ALDH1A2: variants seen among roughly 807,000 people sequenced by gnomAD.
ALDH1A2 encodes the protein retinal dehydrogenase 2.
A neutral mutation model predicts 60.3 loss-of-function variants in ALDH1A2; 27 were observed. That is an observed-to-expected ratio of 0.45 (90% CI 0.33 to 0.62). The LOEUF is 0.62. ALDH1A2 is among the 20% of genes least tolerant of loss of function. The probability of loss-of-function intolerance (pLI) is 0.02; values close to 1 mark genes in which losing one functional copy is unlikely to be tolerated. For missense variants in ALDH1A2, 581 were observed against 643.8 expected (o/e 0.90, Z 1.06); for synonymous variants, 289 against 232.4 (o/e 1.24, Z -2.21).
At chr15:57,976,797 G>C (rs1351618850) in intron 7 of ALDH1A2, among the ~76,000 whole-genome samples, 2 of 152,164 alleles carry the variant, frequency 1.3e-5, no homozygotes, top group African/African-American at 4.8e-5. Context: ...CGATTGTTGG[G>C]TCAAATGGTA....
intron 7 of ALDH1A2, among the ~76,000 whole-genome samples, chr15:57,984,578 T>C (rs1894634201): frequency 6.6e-6 from 1 of 152,232 alleles, no homozygotes; most frequent in African/African-American, 2.4e-5. Flanking sequence ...TGTTTATAGA[T>C]TTGCCTATTC....
At chr15:58,007,638 G>T (rs370529120) in intron 4 of ALDH1A2, among the ~76,000 whole-genome samples, 23 of 151,984 alleles carry the variant, frequency 1.5e-4, no homozygotes, top group African/African-American at 4.8e-4. Context: ...GTACATAAAA[G>T]AATATTTTAT....
chr15:58,031,948 G>A (rs1260785125), intron 1 of ALDH1A2, among the ~76,000 whole-genome samples: 3 of 152,168 alleles, frequency 2.0e-5, no homozygotes, highest in Admixed American at 2.0e-4. Flanking sequence ...TCAGCGTGGC[G>A]ATTCCTCAGG....
chr15:58,013,832 A>T, intron 3 of ALDH1A2, 26 bp downstream of exon 3: 2 of 1,614,034 alleles, frequency 1.2e-6, no homozygotes, highest in Non-Finnish European at 1.7e-6. Flanking sequence ...TGGGTTAAAG[A>T]CTTAATGTTT....
intron 1 of ALDH1A2, among the ~76,000 whole-genome samples, chr15:58,048,230 G>C (rs565382069): frequency 1.4e-3 from 208 of 152,190 alleles, no homozygotes; most frequent in Non-Finnish European, 1.8e-3. Flanking sequence ...AATAGAAAGT[G>C]ATTGTGCCAG....
At chr15:58,023,168 C>G (rs1234940284) in intron 1 of ALDH1A2, among the ~76,000 whole-genome samples, 1 of 151,816 alleles carries the variant, frequency 6.6e-6, no homozygotes, top group African/African-American at 2.4e-5. Context: ...AAATAGAAAT[C>G]TGGAACAGAA....
At chr15:58,040,256 A>G (rs1374539218) in intron 1 of ALDH1A2, among the ~76,000 whole-genome samples, 1 of 151,876 alleles carries the variant, frequency 6.6e-6, no homozygotes, top group African/African-American at 2.4e-5. Context: ...CTCTGAATCC[A>G]CAGCTGAAGA....
intron 7 of ALDH1A2, among the ~76,000 whole-genome samples, chr15:57,972,917 G>C (rs1432404465): frequency 2.0e-5 from 3 of 152,152 alleles, no homozygotes; most frequent in African/African-American, 2.4e-5. Context: ...CTAACTAGGA[G>C]AGAGCTGACC....
At chr15:57,974,751 T>C (rs1441818) in intron 7 of ALDH1A2, among the ~76,000 whole-genome samples, 147,862 of 152,314 alleles carry the variant, frequency 0.97, 71,938 homozygotes, top group East Asian at 1. Flanking sequence ...AAGCCTGATC[T>C]ATAAAAGAAA....
At chr15:58,026,311 C>T (rs1173669012) in intron 1 of ALDH1A2, among the ~76,000 whole-genome samples, 1 of 152,138 alleles carries the variant, frequency 6.6e-6, no homozygotes, top group African/African-American at 2.4e-5. Context: ...TGAAAATCTA[C>T]AGAATGAAGG....
chr15:58,025,346 G>A (rs1896051062), intron 1 of ALDH1A2, among the ~76,000 whole-genome samples: 1 of 151,742 alleles, frequency 6.6e-6, no homozygotes, highest in Admixed American at 6.6e-5. Flanking sequence ...ATTGAAAACA[G>A]AGACATTACA....
intron 4 of ALDH1A2, among the ~76,000 whole-genome samples, chr15:57,995,760 G>A (rs1895040472): frequency 6.6e-6 from 1 of 151,960 alleles, no homozygotes; most frequent in Non-Finnish European, 1.5e-5. Flanking sequence ...CCCCAAACTA[G>A]ACATAGAAAT....
chr15:57,996,499 C>T (rs1295844054), intron 4 of ALDH1A2, among the ~76,000 whole-genome samples: 2 of 148,300 alleles, frequency 1.3e-5, no homozygotes, highest in Non-Finnish European at 3.0e-5. Flanking sequence ...TTTTGTTTTT[C>T]CCTCTTTTTT....
intron 1 of ALDH1A2, among the ~76,000 whole-genome samples, chr15:58,016,316 G>GT (rs1566949897): frequency 1.3e-5 from 2 of 151,782 alleles, no homozygotes. Flanking sequence ...GCTAATTTTT[G>GT]TATTTTTAGT....
At chr15:58,047,321 A>C (rs1896661744) in intron 1 of ALDH1A2, among the ~76,000 whole-genome samples, 1 of 152,048 alleles carries the variant, frequency 6.6e-6, no homozygotes, top group African/African-American at 2.4e-5. Context: ...ATTTTACTCA[A>C]CTTGCCATTA....
chr15:58,022,629 C>T (rs955232959), intron 1 of ALDH1A2, among the ~76,000 whole-genome samples: 10 of 152,172 alleles, frequency 6.6e-5, no homozygotes, highest in African/African-American at 2.4e-4. Context: ...CAACCCACCA[C>T]TGCAACCACT....
Position 57,955,365 on chromosome 15 carries a change from C to G in ALDH1A2, c.1485-96G>C, listed in dbSNP as rs4646640. 0.41 allele frequency: 512,278 copies of G among 1,251,364 alleles called. 112,206 individuals are homozygous for G. Among genetic ancestry groups the G allele is most frequent in the Non-Finnish European group, 0.47 (397,835 of 852,196 alleles). 77.5% of individuals were successfully genotyped at this position (1,251,364 alleles called of 1,614,324 possible). On this transcript the variant is annotated intron_variant, in intron 12 of 12. Coordinates refer to ENST00000249750, the MANE Select transcript of ALDH1A2 (RefSeq NM_003888.4). The stretch of plus-strand genomic sequence containing the variant: ...CTGGGGAGGTGCAGTTTATCACCTG[C>G]GAACAGCAAGTCCTGGGATGTTCAT...
At chr15:57,995,436 A>T (rs1038705705) in intron 4 of ALDH1A2, among the ~76,000 whole-genome samples, 1 of 152,026 alleles carries the variant, frequency 6.6e-6, no homozygotes, top group African/African-American at 2.4e-5. Flanking sequence ...ACAGCTGAAA[A>T]ATATGTAAAA....
chr15:57,995,232 A>AAAAAAAAAAAAAAAAAAAG, intron 4 of ALDH1A2, 93 bp from the exon 5 acceptor site: 1 of 747,210 alleles, frequency 1.3e-6, no homozygotes, highest in Admixed American at 2.4e-5. Context: ...AAAAAAAAAA[A>AAAAAAAAAAAAAAAAAAAG]AAAACAAACA....
Sources: gnomAD v4.1 joint callset for allele counts (sites outside exome capture counted in the v4.1 genomes callset) on GRCh38, gnomAD v4.1.1 for gene constraint, MANE v1.5 for transcripts, NCBI Gene and HGNC (gene_info 2026-07-23, HGNC 2026-07-21) for gene names.